Variants in AHCTF1 observed in about 807,000 individuals in gnomAD.
AHCTF1 encodes AT-hook containing transcription factor 1, also known as protein ELYS.
AHCTF1 carries 24 observed loss-of-function variants against 248.4 expected under a neutral mutation model. That is an observed-to-expected ratio of 0.10 (90% CI 0.07 to 0.14). AHCTF1 has a LOEUF of 0.14. AHCTF1 is among the 10% of genes least tolerant of loss of function. AHCTF1 has a pLI of 1.00. For missense variants in AHCTF1, 2,206 were observed against 2,636.2 expected (o/e 0.84, Z 3.57); for synonymous variants, 786 against 929.8 (o/e 0.85, Z 2.81).
rs370532111 is a variant in AHCTF1, at chr1:246,891,830, T to C, written c.1894A>G (p.Asn632Asp). ...GATGCAAAACAGCTCAAGACTATAT[T>C]AAGATTGCTAAGAAGCAAATAGCAT... is the stretch of plus-strand genomic sequence containing the variant. ...QQCYLLLSNL[N>D]IVLSCFASEA... Residue 632 changes from asparagine to aspartate, a missense_variant, in exon 15 of 36, where the codon AAT (asparagine) becomes GAT (aspartate). Transcript: ENST00000648844. 14 of 1,609,208 alleles carry C rather than the reference T, an allele frequency of 8.7e-6. No individual in the cohort carries two copies. The African/African-American group carries it at 1.7e-4, about 20-fold the overall frequency.
intron 33 of AHCTF1, among the ~76,000 whole-genome samples, chr1:246,848,512 T>C (rs531607771): frequency 1.3e-4 from 19 of 151,370 alleles, no homozygotes; most frequent in Admixed American, 4.6e-4. Flanking sequence ...AGTCATCTAC[T>C]TTATTTATAA....
At chr1:246,903,041 CTT>C (rs1665116183) in intron 7 of AHCTF1, among the ~76,000 whole-genome samples, 1 of 152,178 alleles carries the variant, frequency 6.6e-6, no homozygotes, top group South Asian at 2.1e-4. Context: ...AGTTCTTAGA[CTT>C]TTAGCTTATT....
chr1:246,922,479 G>A (rs564690951), intron 1 of AHCTF1, among the ~76,000 whole-genome samples: 4 of 151,224 alleles, frequency 2.6e-5, no homozygotes, highest in East Asian at 2.0e-4. Context: ...AGGCTGGAGT[G>A]CAGTGGCATT....
chr1:246,889,459 T>A (rs1664061392), intron 17 of AHCTF1, among the ~76,000 whole-genome samples: 1 of 152,184 alleles, frequency 6.6e-6, no homozygotes, highest in African/African-American at 2.4e-5. Context: ...GCCAAGGATA[T>A]ACACTTAGGA....
intron 1 of AHCTF1, among the ~76,000 whole-genome samples, chr1:246,926,723 C>T (rs1015981566): frequency 3.9e-5 from 6 of 151,966 alleles, no homozygotes; most frequent in South Asian, 4.1e-4. Context: ...GGTGTGGTGG[C>T]GCATGCCTAT....
intron 5 of AHCTF1, among the ~76,000 whole-genome samples, chr1:246,906,316 A>G (rs901513178): frequency 6.6e-6 from 1 of 152,150 alleles, no homozygotes; most frequent in African/African-American, 2.4e-5. Flanking sequence ...GTGGTAGCTC[A>G]CACCTGTAAT....
chr1:246,866,259 A>G (rs1273775777), intron 26 of AHCTF1, among the ~76,000 whole-genome samples: 1 of 152,122 alleles, frequency 6.6e-6, no homozygotes, highest in Non-Finnish European at 1.5e-5. Context: ...TTCAACTTCT[A>G]TTATTGCTCC....
chr1:246,889,936 G>T, intron 17 of AHCTF1, 30 bp downstream of exon 17: 1 of 1,526,038 alleles, frequency 6.6e-7, no homozygotes, highest in South Asian at 1.2e-5. Context: ...ACTTCTTACA[G>T]ATGTAATTTC....
At position 246,905,646 on chromosome 1, in the gene AHCTF1, T is replaced by G; in HGVS notation, c.776A>C (p.Gln259Pro). Residue 259 changes from glutamine (Q) to proline (P), a missense_variant, in exon 6 of 36, where the codon CAA becomes CCA. Gln to Pro is a moderately conservative substitution (Grantham distance 76, BLOSUM62 -1). Around this residue, in one of 6 missense-constraint regions of AHCTF1, gnomAD observed 650 missense variants for 870.8 expected, o/e 0.75. Coordinates refer to ENST00000648844, the MANE Select transcript of AHCTF1 (RefSeq NM_001323342.2). ...MKSMKREYYIQLESGQVPVYA... is the reference protein window; with the variant it reads ...MKSMKREYYIPLESGQVPVYA... ...TACAGGAACTTGTCCACTTTCCAAT[T>G]GTATGTAATATCTGAAACAAATTAG... 1 of 1,608,588 alleles carries G rather than the reference T, an allele frequency of 6.2e-7. No homozygotes were observed. Among genetic ancestry groups the G allele is most frequent in the Middle Eastern group, 1.7e-4 (1 of 5,770 alleles).
intron 3 of AHCTF1, among the ~76,000 whole-genome samples, chr1:246,915,859 CAA>C (rs1347105888): frequency 6.6e-6 from 1 of 151,988 alleles, no homozygotes; most frequent in Non-Finnish European, 1.5e-5. Flanking sequence ...ATACTTTTCA[CAA>C]AAAAAGAGTA....
intron 5 of AHCTF1, among the ~76,000 whole-genome samples, 196 bp from the exon 6 acceptor site, chr1:246,905,853 AT>A (rs1410344182): frequency 2.0e-5 from 3 of 152,320 alleles, no homozygotes; most frequent in Non-Finnish European, 4.4e-5. Flanking sequence ...CATGGCACCC[AT>A]CCCCCAGAGA....
At chr1:246,868,958 C>A (rs940918739) in intron 24 of AHCTF1, among the ~76,000 whole-genome samples, 5 of 151,028 alleles carry the variant, frequency 3.3e-5, no homozygotes, top group African/African-American at 1.2e-4. Context: ...CATTCTCCTG[C>A]CTCAGCCTGC....
intron 28 of AHCTF1, 84 bp downstream of exon 28, chr1:246,861,875 C>T (rs1304181004): frequency 8.6e-7 from 1 of 1,162,664 alleles, no homozygotes; most frequent in Non-Finnish European, 1.2e-6. Context: ...TATTTAAAAA[C>T]TTGATTTATC....
intron 17 of AHCTF1, among the ~76,000 whole-genome samples, chr1:246,889,275 CTTT>C (rs1358440822): frequency 6.9e-6 from 1 of 144,186 alleles, no homozygotes; most frequent in East Asian, 2.0e-4. Flanking sequence ...CTTTTCTCTT[CTTT>C]TTTCCCCTGA....
chr1:246,870,186 G>A (rs1279765457), intron 24 of AHCTF1, among the ~76,000 whole-genome samples: 2 of 152,210 alleles, frequency 1.3e-5, no homozygotes, highest in Non-Finnish European at 2.9e-5. Context: ...GCTCATGCCT[G>A]TAATCCCAGT....
intron 21 of AHCTF1, among the ~76,000 whole-genome samples, chr1:246,882,030 C>T (rs1398959572): frequency 7.1e-6 from 1 of 140,708 alleles, no homozygotes; most frequent in Non-Finnish European, 1.5e-5. Flanking sequence ...TGGAGTCTTG[C>T]TCTGTCGCCC....
intron 24 of AHCTF1, among the ~76,000 whole-genome samples, chr1:246,873,089 A>G (rs1402191722): frequency 6.6e-6 from 1 of 152,134 alleles, no homozygotes; most frequent in Non-Finnish European, 1.5e-5. Flanking sequence ...AGGCGCTACT[A>G]GGTTCGACTT....
At chr1:246,923,108 CAAAAAAA>C (rs34474643) in intron 1 of AHCTF1, among the ~76,000 whole-genome samples, 19 of 111,896 alleles carry the variant, frequency 1.7e-4, no homozygotes, top group African/African-American at 4.9e-4. Context: ...CAAATAATAC[CAAAAAAA>C]AAAAAAAAAA....
At chr1:246,884,528 A>G (rs1663675857) in intron 21 of AHCTF1, among the ~76,000 whole-genome samples, 1 of 152,228 alleles carries the variant, frequency 6.6e-6, no homozygotes, top group Non-Finnish European at 1.5e-5. Context: ...AAAACCAGTA[A>G]AAGTGGTATA....
Sources: allele counts gnomAD v4.1 joint callset (sites outside exome capture counted in the v4.1 genomes callset), GRCh38; gene constraint gnomAD v4.1.1; regional missense constraint gnomAD v4.1.1; transcripts MANE v1.5; gene names NCBI Gene and HGNC (gene_info 2026-07-23, HGNC 2026-07-21).